The following GPATCH8 variants were observed in gnomAD, a reference collection of about 807,000 sequenced individuals.
The protein encoded by GPATCH8 is G-patch domain containing 8.
GPATCH8 carries 18 observed loss-of-function variants against 118.3 expected under a neutral mutation model. The ratio of observed to expected loss-of-function variants is 0.15; its 90% CI spans 0.11 to 0.23. The LOEUF (loss-of-function observed/expected upper bound fraction) is 0.23, where lower values mean the gene tolerates loss of function less well. GPATCH8 is among the 10% of genes least tolerant of loss of function. The probability of loss-of-function intolerance (pLI) is 1.00; values close to 1 mark genes in which losing one functional copy is unlikely to be tolerated. For synonymous variants in GPATCH8, 659 were observed against 684.7 expected (o/e 0.96, Z 0.59); for missense variants, 1,631 against 1,873.8 (o/e 0.87, Z 2.39).
At chr17:44,429,161 C>T (rs1327381380) in intron 5 of GPATCH8, among the ~76,000 whole-genome samples, 1 of 151,934 alleles carries the variant, frequency 6.6e-6, no homozygotes, top group Non-Finnish European at 1.5e-5. Flanking sequence ...TTTACACAGA[C>T]AAAAAGCCCA....
intron 3 of GPATCH8, among the ~76,000 whole-genome samples, chr17:44,453,498 G>GTGTGTGTGTGTGTGTGTGT (rs1298562128): frequency 0.06 from 7,764 of 129,980 alleles, 463 homozygotes; most frequent in Non-Finnish European, 0.081. Context: ...TAGGTAGGTA[G>GTGTGTGTGTGTGTGTGTGT]GGGTGTGTGT....
intron 3 of GPATCH8, among the ~76,000 whole-genome samples, chr17:44,457,949 G>C (rs1411453659): frequency 6.6e-6 from 1 of 152,046 alleles, no homozygotes; most frequent in African/African-American, 2.4e-5. Context: ...GCCAGACACG[G>C]TGGCAGGCGC....
Position 44,397,996 on chromosome 17 carries a change from T to A in GPATCH8, c.4081A>T (p.Ile1361Phe). 1 of 1,613,994 alleles carries A rather than the reference T, an allele frequency of 6.2e-7. No homozygotes were observed. Among genetic ancestry groups the A allele is most frequent in the Non-Finnish European group, 8.5e-7 (1 of 1,179,944 alleles). Residue 1361 changes from isoleucine (I) to phenylalanine (F), a missense_variant, in exon 8 of 8, where the codon ATT (isoleucine) becomes TTT (phenylalanine). Ile to Phe is a conservative substitution (Grantham distance 21, BLOSUM62 0). Coordinates refer to ENST00000591680, the MANE Select transcript of GPATCH8 (RefSeq NM_001002909.4). ...GCAGAGGCTGTAGCTGGCTGCTGAA[T>A]GTGGATGGGTTGCAGGGCTGGTGTG... is the stretch of plus-strand genomic sequence containing the variant. ...PATPALQPIH[I>F]QQPATASATS...
In GPATCH8 at chr17:44,400,037, CTTCTTT is replaced by C. The variant is rs1567931824; in HGVS notation, c.2034_2039del (p.Lys679_Lys680del). 6 of 1,613,916 alleles carry C rather than the reference CTTCTTT, an allele frequency of 3.7e-6. No homozygotes were observed. The South Asian group carries it at 6.6e-5, about 18-fold the overall frequency. ...GTTTGTGTTTGCTGGATTTTTTGTG[CTTCTTT>C]TTCTTTTTGTGCCGGTGGGACTTCC... On this transcript the variant is annotated inframe_deletion, in exon 8 of 8. Coordinates refer to ENST00000591680, the MANE Select transcript of GPATCH8 (RefSeq NM_001002909.4).
At chr17:44,466,142 G>A (rs2051754555) in intron 2 of GPATCH8, among the ~76,000 whole-genome samples, 1 of 151,340 alleles carries the variant, frequency 6.6e-6, no homozygotes, top group Non-Finnish European at 1.5e-5. Flanking sequence ...CTCAGCCTGG[G>A]AGGTATGGGC....
intron 2 of GPATCH8, among the ~76,000 whole-genome samples, chr17:44,469,954 T>C (rs1004469016): frequency 6.6e-6 from 1 of 152,210 alleles, no homozygotes; most frequent in Admixed American, 6.5e-5. Context: ...AACCCAATTA[T>C]ACATATACTT....
chr17:44,449,056 A>C (rs911143258), intron 3 of GPATCH8, among the ~76,000 whole-genome samples: 4 of 152,184 alleles, frequency 2.6e-5, no homozygotes, highest in East Asian at 3.9e-4. Flanking sequence ...CGGGTGGATG[A>C]CCTTAGGTTA....
At position 44,398,901 on chromosome 17, in the gene GPATCH8, T is replaced by C; in HGVS notation, c.3176A>G (p.Lys1059Arg). The C allele has an allele frequency of 6.2e-7, 1 of 1,614,172 alleles. No homozygotes were observed. Among genetic ancestry groups the C allele is most frequent in the Non-Finnish European group, 8.5e-7 (1 of 1,180,012 alleles). The change falls in exon 8 of 8, where the codon AAA becomes AGA. Residue 1059 changes from lysine (K) to arginine (R), a missense_variant. Lys to Arg is a conservative substitution (Grantham distance 26, BLOSUM62 2). Transcript: ENST00000591680. ...KKDDGRGDDSKATGPPSQNSN... is the reference protein window; with the variant it reads ...KKDDGRGDDSRATGPPSQNSN... ...GTTCTGGGAAGGTGGACCTGTTGCT[T>C]TACTGTCATCTCCTCTGCCATCATC...
At position 44,425,057 on chromosome 17, in the gene GPATCH8, AAGGCAG is replaced by A. The variant is rs1298424014; in HGVS notation, c.349-571_349-566del. ...AACAAAAAACTGTGGGACTGACTCA[AAGGCAG>A]TCCAATTTGCCTCAGCAGTTTCACT... On this transcript the variant is annotated intron_variant, in intron 5 of 7. Transcript: ENST00000591680. 6.6e-5 allele frequency among the ~76,000 whole-genome samples: 10 copies of A among 152,334 alleles called. No homozygotes were observed. In the East Asian group the frequency reaches 1.9e-3, roughly 29 times the overall value.
intron 3 of GPATCH8, chr17:44,436,871 C>T: frequency 3.2e-6 from 1 of 311,314 alleles, no homozygotes; most frequent in East Asian, 7.0e-5. Flanking sequence ...TTTTAAGATC[C>T]CCAAATAACT....
chr17:44,398,574 C>T lies in GPATCH8; in HGVS notation c.3503G>A (p.Arg1168Lys), dbSNP rs145111400. 2 of 1,565,144 alleles carry T rather than the reference C, an allele frequency of 1.3e-6. No homozygotes were observed. The highest frequency in any genetic ancestry group is 1.2e-5 in the South Asian group (1 of 81,010). Residue 1168 changes from arginine to lysine, a missense_variant, in exon 8 of 8, where the codon AGG becomes AAG. Around this residue, in one of 8 missense-constraint regions of GPATCH8, gnomAD observed 922 missense variants for 879.7 expected, o/e 1.05. Transcript: ENST00000591680. ...NKKCEESGLERGEEQEQSETE... is the reference protein window; with the variant it reads ...NKKCEESGLEKGEEQEQSETE... ...CTCTGACTGTTCTTGCTCTTCCCCC[C>T]TTTCCAAGCCAGACTCTTCACACTT... is the stretch of plus-strand genomic sequence containing the variant.
In GPATCH8 at chr17:44,399,221, C is replaced by T. The variant is rs2048908054; in HGVS notation, c.2856G>A (p.Glu952=). Reference sequence around the variant, plus strand: ...GGCTGCGGCCCCGGGATCTTGAGCGCTCTCTGGTATGACTCCGAGATCGGC... The same window carrying T: ...GGCTGCGGCCCCGGGATCTTGAGCGTTCTCTGGTATGACTCCGAGATCGGC... The part of the protein sequence containing the change: ...SRSRSRSHTR[E]RSRSRGRSRS... Residue 952 remains glutamate (E), a synonymous_variant, in exon 8 of 8, where the codon GAG becomes GAA. Coordinates refer to ENST00000591680, the MANE Select transcript of GPATCH8 (RefSeq NM_001002909.4). The T allele has an allele frequency of 3.1e-6, 5 of 1,614,036 alleles. No homozygotes were observed. Among genetic ancestry groups the T allele is most frequent in the Non-Finnish European group, 4.2e-6 (5 of 1,179,944 alleles).
At position 44,400,202 on chromosome 17, in the gene GPATCH8, G is replaced by A; in HGVS notation, c.1875C>T (p.Ser625=). Residue 625 remains serine (S), a synonymous_variant, in exon 8 of 8, where the codon TCC becomes TCT. Coordinates refer to ENST00000591680, the MANE Select transcript of GPATCH8 (RefSeq NM_001002909.4). ...KEVGGEKIVR[S]SGGRMDAPAS... is the part of the protein sequence containing the mutation. ...CAGGTGCGTCCATTCTGCCTCCTGAGGAACGTACTATTTTCTCTCCGCCCA... is the reference window on the plus strand; with the variant it reads ...CAGGTGCGTCCATTCTGCCTCCTGAAGAACGTACTATTTTCTCTCCGCCCA... 2 of 1,614,106 alleles carry A rather than the reference G, an allele frequency of 1.2e-6. No individual in the cohort carries two copies. Among genetic ancestry groups the A allele is most frequent in the Non-Finnish European group, 1.7e-6 (2 of 1,180,026 alleles).
At chr17:44,493,644 T>A (rs534533826) in intron 1 of GPATCH8, among the ~76,000 whole-genome samples, 4 of 152,124 alleles carry the variant, frequency 2.6e-5, no homozygotes, top group Non-Finnish European at 4.4e-5. Flanking sequence ...TCTCAGCTAC[T>A]AGGGAGGCAG....
chr17:44,450,781 G>A (rs2051084408), intron 3 of GPATCH8, among the ~76,000 whole-genome samples: 1 of 152,006 alleles, frequency 6.6e-6, no homozygotes, highest in Non-Finnish European at 1.5e-5. Context: ...CGCTTCTCAT[G>A]GAAGAATAAA....
At position 44,399,153 on chromosome 17, in the gene GPATCH8, C is replaced by G. The variant is rs749705021; in HGVS notation, c.2924G>C (p.Arg975Pro). 6.2e-7 allele frequency: 1 copy of G among 1,609,356 alleles called. No individual in the cohort carries two copies. The highest frequency in any genetic ancestry group is 8.5e-7 in the Non-Finnish European group (1 of 1,175,952). Residue 975 changes from arginine to proline, a missense_variant, in exon 8 of 8, where the codon CGT (arginine) becomes CCT (proline). Physicochemically the swap from Arg to Pro is moderately radical, Grantham distance 103. Around this residue, in one of 8 missense-constraint regions of GPATCH8, gnomAD observed 922 missense variants for 879.7 expected, o/e 1.05. Coordinates refer to ENST00000591680, the MANE Select transcript of GPATCH8 (RefSeq NM_001002909.4). ...TTGCCAGCTGTGGGCTGTGGTGCTA[C>G]GGCTTCTCCGCTTGCTTCGACTACG... The part of the protein sequence containing the change: ...CSRSRSKRRS[R>P]STTAHSWQRS...
chr17:44,408,791 C>T (rs774983510), intron 6 of GPATCH8, among the ~76,000 whole-genome samples: 11 of 152,128 alleles, frequency 7.2e-5, no homozygotes, highest in East Asian at 1.9e-4. Context: ...GAGGTAGATA[C>T]GGAAGAAGAT....
intron 7 of GPATCH8, among the ~76,000 whole-genome samples, chr17:44,405,367 C>A (rs1264794496): frequency 6.6e-6 from 1 of 152,058 alleles, no homozygotes; most frequent in Non-Finnish European, 1.5e-5. Flanking sequence ...TGCCACCACG[C>A]CCGGCTAATT....
intron 5 of GPATCH8, among the ~76,000 whole-genome samples, chr17:44,429,198 A>C (rs946264663): frequency 2.6e-5 from 4 of 152,234 alleles, no homozygotes; most frequent in African/African-American, 9.6e-5. Context: ...AAACTGTAAT[A>C]AAGTCAGAAA....
Sources: allele counts gnomAD v4.1 joint callset (sites outside exome capture counted in the v4.1 genomes callset), GRCh38; gene constraint gnomAD v4.1.1; regional missense constraint gnomAD v4.1.1; transcripts MANE v1.5; gene names NCBI Gene and HGNC (gene_info 2026-07-23, HGNC 2026-07-21).